The following SP4 variants were observed in gnomAD, a reference collection of about 807,000 sequenced individuals.
SP4 encodes the protein transcription factor Sp4.
In SP4, 19 loss-of-function variants were observed where a neutral mutation model predicts 72.8. That is an observed-to-expected ratio of 0.26 (90% CI 0.18 to 0.38). SP4 has a LOEUF of 0.38. Among genes scored for constraint, SP4 ranks in the 10% least tolerant of loss-of-function variants. The pLI is 1.00. For synonymous variants in SP4, 395 were observed against 333.1 expected (o/e 1.19, Z -2.02); for missense variants, 1,008 against 926.3 (o/e 1.09, Z -1.14).
At chr7:21,477,613 T>C (rs1466763441) in intron 4 of SP4, among the ~76,000 whole-genome samples, 1 of 141,272 alleles carries the variant, frequency 7.1e-6, no homozygotes, top group Non-Finnish European at 1.5e-5. Context: ...CTCAGCTCAC[T>C]GCAATCTCTG....
At position 21,477,314 on chromosome 7, in the gene SP4, G is replaced by T. The variant is rs1042215616; in HGVS notation, c.1907+7G>T. ...GTAGGGAAGGAGAAGGAAGGTAAAT[G>T]CTGTATTTTTCAACTGTGTCTATTT... On this transcript the variant is annotated splice_region_variant and intron_variant, in intron 4 of 5. Transcript: ENST00000222584. 2.5e-6 allele frequency: 4 copies of T among 1,588,702 alleles called. No individual in the cohort carries two copies. The African/African-American group carries it at 5.4e-5, about 21-fold the overall frequency.
At chr7:21,464,954 A>T (rs1023878366) in intron 3 of SP4, among the ~76,000 whole-genome samples, 9 of 152,224 alleles carry the variant, frequency 5.9e-5, no homozygotes, top group Non-Finnish European at 1.0e-4. Flanking sequence ...TTCACCATCA[A>T]CTTAGGCAAG....
chr7:21,431,357 T>G (rs1782847954), intron 3 of SP4, among the ~76,000 whole-genome samples: 1 of 152,210 alleles, frequency 6.6e-6, no homozygotes. Context: ...TTACACTGGT[T>G]TTAAACTAGA....
chr7:21,479,754 C>T (rs1297736711), intron 4 of SP4, among the ~76,000 whole-genome samples: 2 of 152,146 alleles, frequency 1.3e-5, no homozygotes, highest in African/African-American at 2.4e-5. Flanking sequence ...ATCTTTTGGT[C>T]TATGCACATG....
intron 5 of SP4, among the ~76,000 whole-genome samples, chr7:21,487,129 A>G (rs140996821): frequency 1.1e-4 from 16 of 152,244 alleles, no homozygotes; most frequent in Admixed American, 6.5e-4. Context: ...ATTCAATACT[A>G]TCATTTTCTT....
rs992312122 is a variant in SP4, at chr7:21,482,710, T to A, written c.2107+587T>A. 6.1e-6 allele frequency: 6 copies of A among 976,288 alleles called. No homozygotes were observed. In the East Asian group the frequency reaches 5.7e-4, roughly 93 times the overall value. The allele number at this position is 976,288 out of a possible 1,614,324, so 60.5% of individuals were successfully genotyped here. A position where few individuals can be genotyped will look rare whatever the true frequency, so the allele number is the denominator to read the frequency against. ...GTCTAAGTTTTACGTACACTTTTAA[T>A]ACTCTGACATATATGATTAATGGAT... On this transcript the variant is annotated intron_variant, in intron 5 of 5. Transcript: ENST00000222584.
At position 21,429,609 on chromosome 7, in the gene SP4, T is replaced by C; in HGVS notation, c.444T>C (p.Pro148=). 1.2e-6 allele frequency: 2 copies of C among 1,614,164 alleles called. No individual in the cohort carries two copies. Among genetic ancestry groups the C allele is most frequent in the Non-Finnish European group, 1.7e-6 (2 of 1,179,998 alleles). Residue 148 remains proline (P), a synonymous_variant, in exon 3 of 6, where the codon CCT becomes CCC. Transcript: ENST00000222584. ...TKTKSGNSST[P]GQFQVIQVQN... The stretch of plus-strand genomic sequence containing the variant: ...CTAAATCAGGTAATTCTTCCACCCC[T>C]GGTCAATTTCAAGTCATACAAGTAC...
chr7:21,446,021 TGTGTGTGTGC>T (rs1783415776), intron 3 of SP4, among the ~76,000 whole-genome samples: 1 of 140,068 alleles, frequency 7.1e-6, no homozygotes, highest in Non-Finnish European at 1.5e-5. Context: ...TGTGTGTGTG[TGTGTGTGTGC>T]ACGCATATGT....
At chr7:21,451,786 A>C (rs1374460675) in intron 3 of SP4, among the ~76,000 whole-genome samples, 1 of 152,226 alleles carries the variant, frequency 6.6e-6, no homozygotes, top group Admixed American at 6.5e-5. Context: ...TATTAGATTT[A>C]GAAGACAGAG....
At chr7:21,503,053 C>G (rs1242629465) in intron 5 of SP4, among the ~76,000 whole-genome samples, 2 of 152,084 alleles carry the variant, frequency 1.3e-5, no homozygotes, top group East Asian at 3.9e-4. Context: ...GTTCGCATGG[C>G]TGTCTCAGTG....
At chr7:21,439,012 C>T (rs1187183252) in intron 3 of SP4, among the ~76,000 whole-genome samples, 1 of 151,952 alleles carries the variant, frequency 6.6e-6, no homozygotes, top group Admixed American at 6.5e-5. Flanking sequence ...TAAACTTTAT[C>T]ACAGGTATGT....
At chr7:21,494,397 C>G (rs1207640266) in intron 5 of SP4, among the ~76,000 whole-genome samples, 1 of 152,084 alleles carries the variant, frequency 6.6e-6, no homozygotes, top group African/African-American at 2.4e-5. Context: ...TGGTGCCTAC[C>G]AAAAAGCTTT....
chr7:21,429,260 CCT>C lies in SP4; in HGVS notation c.124-25_124-24del, dbSNP rs371374154. The C allele has an allele frequency of 1.0e-3, 1,251 of 1,208,778 alleles. 2 individuals are homozygous for C. In the African/African-American group the frequency reaches 0.012, roughly 11 times the overall value. 74.9% of individuals were successfully genotyped at this position (1,208,778 alleles called of 1,614,324 possible). ...ATCCGCCCACTTTTTTTCCCCCCCC[CCT>C]CTCCTTTACCGTCCCATTTTGGGTA... On this transcript the variant is annotated intron_variant, in intron 2 of 5. Transcript: ENST00000222584.
At chr7:21,500,606 T>G (rs891331160) in intron 5 of SP4, among the ~76,000 whole-genome samples, 1 of 152,162 alleles carries the variant, frequency 6.6e-6, no homozygotes, top group African/African-American at 2.4e-5. Context: ...AGGTCCTTGT[T>G]TCCTTGCCAG....
At chr7:21,503,114 T>C (rs897925072) in intron 5 of SP4, among the ~76,000 whole-genome samples, 3 of 152,152 alleles carry the variant, frequency 2.0e-5, no homozygotes, top group African/African-American at 7.2e-5. Flanking sequence ...GCTTGTCTTC[T>C]TTCCAAGTCT....
At chr7:21,459,806 T>C (rs977961032) in intron 3 of SP4, among the ~76,000 whole-genome samples, 1 of 152,254 alleles carries the variant, frequency 6.6e-6, no homozygotes, top group South Asian at 2.1e-4. Context: ...ATCCATTTCT[T>C]TGGGACTTAT....
rs1199479466 is a variant in SP4, at chr7:21,482,239, C to G, written c.2107+116C>G. ...ATGCAAATGAAGGAGAAGGCATTTA[C>G]TTTAGCAATTATATGGAAGATGTTT... On this transcript the variant is annotated intron_variant, in intron 5 of 5. Transcript: ENST00000222584. The G allele has an allele frequency of 9.4e-6, 7 of 743,670 alleles. 1 individual carries two copies. Among genetic ancestry groups the G allele is most frequent in the African/African-American group, 1.8e-5 (1 of 56,348 alleles). 46.1% of individuals were successfully genotyped at this position (743,670 alleles called of 1,614,324 possible).
At position 21,514,071 on chromosome 7, in the gene SP4, C is replaced by T. The variant is rs1782209788; in HGVS notation, c.*2802C>T. ...CTTTTCTTTATTGTAATTATCAGTG[C>T]AAAGCTATGTATTTATCATGGTAAA... On this transcript the variant is annotated 3_prime_UTR_variant, in exon 6 of 6. Coordinates refer to ENST00000222584, the MANE Select transcript of SP4 (RefSeq NM_003112.5). The T allele has an allele frequency of 6.6e-6, 1 of 152,544 alleles. No individual in the cohort carries two copies. The highest frequency in any genetic ancestry group is 1.5e-5 in the Non-Finnish European group (1 of 67,982). The allele number at this position is 152,544 out of a possible 1,614,324, so 9.4% of individuals were successfully genotyped here.
Position 21,512,589 on chromosome 7 carries a change from T to G in SP4, c.*1320T>G, listed in dbSNP as rs1193168524. 2.2e-5 allele frequency: 3 copies of G among 138,122 alleles called. No individual in the cohort carries two copies. Among genetic ancestry groups the G allele is most frequent in the South Asian group, 2.3e-4 (1 of 4,320 alleles). 8.6% of individuals were successfully genotyped at this position (138,122 alleles called of 1,614,324 possible). A position where few individuals can be genotyped will look rare whatever the true frequency, so the allele number is the denominator to read the frequency against. On this transcript the variant is annotated 3_prime_UTR_variant, in exon 6 of 6. Coordinates refer to ENST00000222584, the MANE Select transcript of SP4 (RefSeq NM_003112.5). ...TTTTTTTTTTTTTTTTGAGATGGAGTCTCGCTCTCTTGCCCAGGCTGGAGT... is the reference window on the plus strand; with the variant it reads ...TTTTTTTTTTTTTTTTGAGATGGAGGCTCGCTCTCTTGCCCAGGCTGGAGT...
Sources: gnomAD v4.1 joint callset for allele counts (sites outside exome capture counted in the v4.1 genomes callset) on GRCh38, gnomAD v4.1.1 for gene constraint, MANE v1.5 for transcripts, NCBI Gene and HGNC (gene_info 2026-07-23, HGNC 2026-07-21) for gene names.